Variants in ENPP2 observed in about 807,000 individuals in gnomAD.
The protein encoded by ENPP2 is ectonucleotide pyrophosphatase/phosphodiesterase 2.
In ENPP2, 51 loss-of-function variants were observed where a neutral mutation model predicts 120.2. That is an observed-to-expected ratio of 0.42 (90% confidence interval 0.34 to 0.54). The LOEUF (loss-of-function observed/expected upper bound fraction) is 0.54. ENPP2 is among the 20% of genes least tolerant of loss of function. The pLI is 0.04. For missense variants in ENPP2, 920 were observed against 1,066.5 expected, an observed-to-expected ratio of 0.86 and a Z score of 1.91; for synonymous variants, 365 against 366.4, an observed-to-expected ratio of 1.00 and a Z score of 0.04.
rs563595272 is a variant in ENPP2 at position 119,567,748 on chromosome 8, G to C, written c.2131+427C>G. On this transcript the variant is annotated intron_variant, in intron 22 of 24. Transcript: ENST00000075322. Reference sequence around the variant, plus strand: ...CTGCAATGCTCAACAAATAAATATAGATGCTGTTAAATATCAAGTGGCTTT... The same window carrying C: ...CTGCAATGCTCAACAAATAAATATACATGCTGTTAAATATCAAGTGGCTTT... Among the ~76,000 whole-genome samples the C allele has an allele frequency of 2.6e-5, 4 of 152,278 alleles. No individual in the cohort carries two copies. In the South Asian group the frequency reaches 6.2e-4, roughly 24 times the overall value.
chr8:119,672,934 G>A (rs1437691735), intron 1 of ENPP2, among the ~76,000 whole-genome samples: 1 of 152,246 alleles, frequency 6.6e-6, no homozygotes, highest in Non-Finnish European at 1.5e-5. Context: ...GGCTGGTAAG[G>A]CTGAGGGTCG....
At chr8:119,563,479 T>G (rs1487922327) in intron 23 of ENPP2, among the ~76,000 whole-genome samples, 1 of 152,148 alleles carries the variant, frequency 6.6e-6, no homozygotes, top group Admixed American at 6.6e-5. Context: ...TAGAGTTGTA[T>G]AAAATGGACA....
At chr8:119,622,107 T>G (rs1815946218) in intron 3 of ENPP2, among the ~76,000 whole-genome samples, 1 of 152,162 alleles carries the variant, frequency 6.6e-6, no homozygotes, top group Non-Finnish European at 1.5e-5. Context: ...TTTTGTATTT[T>G]TAGTAGAGAC....
At chr8:119,659,408 T>C (rs1294276400) in intron 1 of ENPP2, among the ~76,000 whole-genome samples, 1 of 150,990 alleles carries the variant, frequency 6.6e-6, no homozygotes, top group Non-Finnish European at 1.5e-5. Context: ...AACACTATTT[T>C]CTTACCCCTG....
intron 8 of ENPP2, among the ~76,000 whole-genome samples, chr8:119,615,795 C>A (rs1815415991): frequency 6.6e-6 from 1 of 151,980 alleles, no homozygotes; most frequent in Non-Finnish European, 1.5e-5. Context: ...TTATTATACG[C>A]CTAAATCTGG....
chr8:119,614,610 A>G (rs1419850031), intron 8 of ENPP2, among the ~76,000 whole-genome samples: 2 of 152,218 alleles, frequency 1.3e-5, no homozygotes, highest in African/African-American at 4.8e-5. Context: ...TCTTCTTCTG[A>G]GTCATCCTAA....
At chr8:119,584,217 C>T (rs572268699) in intron 15 of ENPP2, among the ~76,000 whole-genome samples, 168 bp from the exon 16 acceptor site, 1 of 152,242 alleles carries the variant, frequency 6.6e-6, no homozygotes, top group South Asian at 2.1e-4. Context: ...TGCATTTCTC[C>T]AAGTGACTTT....
At chr8:119,597,607 T>C (rs1440742744) in intron 11 of ENPP2, among the ~76,000 whole-genome samples, 1 of 152,204 alleles carries the variant, frequency 6.6e-6, no homozygotes, top group East Asian at 1.9e-4. Context: ...CAGGATACTT[T>C]GCCATCTGAA....
intron 4 of ENPP2, among the ~76,000 whole-genome samples, chr8:119,620,834 C>T (rs932826649): frequency 2.0e-5 from 3 of 152,188 alleles, no homozygotes; most frequent in African/African-American, 7.2e-5. Context: ...CCTTTACCAG[C>T]AAGTACCCCC....
chr8:119,612,501 T>C (rs376448008), intron 8 of ENPP2, among the ~76,000 whole-genome samples: 2 of 152,204 alleles, frequency 1.3e-5, no homozygotes, highest in Non-Finnish European at 2.9e-5. Flanking sequence ...ATTTTTTCAC[T>C]GCAGTCATTC....
chr8:119,640,492 T>C (rs1817246593), upstream of ENPP2, among the ~76,000 whole-genome samples: 2 of 152,348 alleles, frequency 1.3e-5, no homozygotes, highest in South Asian at 4.1e-4. Context: ...AACAGCCTCT[T>C]CTTTTGCCTT....
At chr8:119,602,911 C>G (rs960677456) in intron 9 of ENPP2, among the ~76,000 whole-genome samples, 2 of 152,126 alleles carry the variant, frequency 1.3e-5, no homozygotes, top group Admixed American at 1.3e-4. Context: ...AATCCTCAAG[C>G]CGGGGCTCTC....
intron 22 of ENPP2, among the ~76,000 whole-genome samples, chr8:119,565,880 GCACACA>G (rs138379605): frequency 6.7e-6 from 1 of 150,096 alleles, no homozygotes; most frequent in African/African-American, 2.4e-5. Flanking sequence ...GCACGCACAT[GCACACA>G]CACACACACA....
intron 8 of ENPP2, among the ~76,000 whole-genome samples, chr8:119,611,006 T>G (rs1201861034): frequency 6.6e-6 from 1 of 152,170 alleles, no homozygotes; most frequent in African/African-American, 2.4e-5. Flanking sequence ...CTTTCCTTTA[T>G]CTGGAGGCCC....
chr8:119,626,375 G>C (rs965549698), intron 3 of ENPP2, among the ~76,000 whole-genome samples, 190 bp downstream of exon 3: 2 of 152,154 alleles, frequency 1.3e-5, no homozygotes, highest in Non-Finnish European at 2.9e-5. Flanking sequence ...TTCTCTGCTG[G>C]AACCTATGTG....
rs748107612 is a variant in ENPP2 at position 119,590,524 on chromosome 8, T to C, written c.1188A>G (p.Lys396=). The C allele has an allele frequency of 6.3e-7, 1 of 1,599,012 alleles. No individual in the cohort carries two copies. The highest frequency in any genetic ancestry group is 1.7e-5 in the Admixed American group (1 of 57,246). Residue 396 remains lysine (K), a synonymous_variant, in exon 13 of 25, where the codon AAA becomes AAG. Transcript: ENST00000075322. ...VPGTLGRIRS[K]FSNNAKYDPK... ...ACTTACATTTAGCATTGTTGCTAAATTTGGATCGAATTCTTCCTAGAGTTC... is the reference window on the plus strand; with the variant it reads ...ACTTACATTTAGCATTGTTGCTAAACTTGGATCGAATTCTTCCTAGAGTTC...
chr8:119,608,700 G>T (rs184738197), intron 8 of ENPP2, among the ~76,000 whole-genome samples: 201 of 151,372 alleles, frequency 1.3e-3, no homozygotes, highest in African/African-American at 4.7e-3. Flanking sequence ...TACCAGCCAT[G>T]TAGTCCTTTG....
intron 1 of ENPP2, among the ~76,000 whole-genome samples, chr8:119,664,480 ACTGT>A (rs138838564): frequency 0.025 from 3,733 of 152,320 alleles, 144 homozygotes; most frequent in African/African-American, 0.085. Context: ...ACTGCAAAGC[ACTGT>A]CTGTCCCGAT....
intron 1 of ENPP2, among the ~76,000 whole-genome samples, chr8:119,663,315 G>A (rs1052896220): frequency 6.6e-6 from 1 of 152,156 alleles, no homozygotes; most frequent in African/African-American, 2.4e-5. Flanking sequence ...AATTTTCATA[G>A]ACTTTTAAAA....
Sources: gnomAD v4.1 joint callset for allele counts (sites outside exome capture counted in the v4.1 genomes callset) on GRCh38, gnomAD v4.1.1 for gene constraint, MANE v1.5 for transcripts, NCBI Gene and HGNC (gene_info 2026-07-23, HGNC 2026-07-21) for gene names.